Variants in GRM3 observed in about 807,000 individuals in gnomAD.
GRM3 encodes the protein glutamate metabotropic receptor 3, also known as metabotropic glutamate receptor 3.
Under a neutral mutation model 70.5 loss-of-function variants are expected in GRM3, and 26 were observed. The observed-to-expected ratio is 0.37, with a 90% CI of 0.27 to 0.51. The LOEUF (loss-of-function observed/expected upper bound fraction) is 0.51. GRM3 is among the 20% of genes least tolerant of loss of function. The pLI is 0.93. For missense variants in GRM3, 859 were observed against 1,123.8 expected, an observed-to-expected ratio of 0.76 and a Z score of 3.37; for synonymous variants, 443 against 434.9, an observed-to-expected ratio of 1.02 and a Z score of -0.23.
chr7:86,795,523 A>C (rs1045420179), intron 3 of GRM3, among the ~76,000 whole-genome samples: 5 of 152,054 alleles, frequency 3.3e-5, no homozygotes, highest in Admixed American at 1.3e-4. Flanking sequence ...AACTGAGAAC[A>C]TGTGGTGTTT....
At chr7:86,653,397 T>C (rs1793656050) in intron 1 of GRM3, among the ~76,000 whole-genome samples, 1 of 152,224 alleles carries the variant, frequency 6.6e-6, no homozygotes, top group Non-Finnish European at 1.5e-5. Context: ...GTGAATTTCT[T>C]TTACCAAATT....
intron 3 of GRM3, among the ~76,000 whole-genome samples, chr7:86,798,535 AC>A (rs1273812135): frequency 6.6e-6 from 1 of 152,046 alleles, no homozygotes; most frequent in Non-Finnish European, 1.5e-5. Context: ...AAATGCCTGT[AC>A]CCCCATTGTA....
In GRM3 at chr7:86,840,875, C is replaced by T. The variant is rs142400204; in HGVS notation, c.2391+970C>T. Reference sequence around the variant, plus strand: ...TGCTGTTTACCAGCAATTCCTACATCGCCAAAATCTAGAAAATTGCAGCCC... The same window carrying T: ...TGCTGTTTACCAGCAATTCCTACATTGCCAAAATCTAGAAAATTGCAGCCC... On this transcript the variant is annotated intron_variant, in intron 4 of 5. Coordinates refer to ENST00000361669, the MANE Select transcript of GRM3 (RefSeq NM_000840.3). Among the ~76,000 whole-genome samples, 667 of 152,004 alleles carry T rather than the reference C, an allele frequency of 4.4e-3. 8 individuals are homozygous for T. Among genetic ancestry groups the T allele is most frequent in the African/African-American group, 0.015 (634 of 41,516 alleles).
chr7:86,684,536 T>A (rs763207804), intron 1 of GRM3, among the ~76,000 whole-genome samples: 87 of 152,208 alleles, frequency 5.7e-4, no homozygotes, highest in Non-Finnish European at 1.1e-3. Context: ...ACAACCTATA[T>A]AACTAGTAAT....
At chr7:86,682,711 CA>C (rs1794470588) in intron 1 of GRM3, among the ~76,000 whole-genome samples, 1 of 152,042 alleles carries the variant, frequency 6.6e-6, no homozygotes, top group African/African-American at 2.4e-5. Context: ...ACTTTTCAAG[CA>C]TTTTTTTAAT....
At chr7:86,838,244 A>C (rs1231162133) in intron 3 of GRM3, among the ~76,000 whole-genome samples, 1 of 152,174 alleles carries the variant, frequency 6.6e-6, no homozygotes, top group Non-Finnish European at 1.5e-5. Context: ...GTCAATATTA[A>C]ATTTAATATC....
At chr7:86,696,690 T>C (rs1443365978) in intron 1 of GRM3, among the ~76,000 whole-genome samples, 2 of 149,832 alleles carry the variant, frequency 1.3e-5, no homozygotes, top group Non-Finnish European at 3.0e-5. Flanking sequence ...TCTTCTGTAG[T>C]AATAGTGGTG....
intron 3 of GRM3, among the ~76,000 whole-genome samples, chr7:86,818,292 T>G (rs564102960): frequency 6.6e-6 from 1 of 152,086 alleles, no homozygotes; most frequent in Non-Finnish European, 1.5e-5. Context: ...CATGTGATAA[T>G]GACTATAGTA....
intron 1 of GRM3, among the ~76,000 whole-genome samples, chr7:86,686,363 C>G (rs770646102): frequency 3.2e-4 from 48 of 152,060 alleles, no homozygotes; most frequent in Non-Finnish European, 4.0e-4. Flanking sequence ...AGAAGGTAGC[C>G]CCAGATGAGG....
chr7:86,831,416 G>A (rs187763070), intron 3 of GRM3, among the ~76,000 whole-genome samples: 3 of 152,150 alleles, frequency 2.0e-5, no homozygotes, highest in African/African-American at 7.2e-5. Context: ...GAGGGCAAGA[G>A]TTGGGGAAAA....
intron 1 of GRM3, among the ~76,000 whole-genome samples, chr7:86,647,606 G>T (rs1793505746): frequency 6.6e-6 from 1 of 152,156 alleles, no homozygotes; most frequent in Non-Finnish European, 1.5e-5. Context: ...TTTAAACTGA[G>T]TTTATTGTGC....
chr7:86,738,405 G>A (rs1175441179), intron 1 of GRM3, among the ~76,000 whole-genome samples: 4 of 152,306 alleles, frequency 2.6e-5, no homozygotes, highest in Admixed American at 2.0e-4. Context: ...TTTGGAGGAT[G>A]TGAGATACAA....
intron 3 of GRM3, among the ~76,000 whole-genome samples, chr7:86,800,418 G>C (rs191624896): frequency 2.6e-5 from 4 of 152,180 alleles, no homozygotes; most frequent in African/African-American, 7.2e-5. Flanking sequence ...AGAAAAGAGA[G>C]AAGAATCAAA....
At chr7:86,815,106 C>A (rs548873445) in intron 3 of GRM3, among the ~76,000 whole-genome samples, 2 of 151,442 alleles carry the variant, frequency 1.3e-5, no homozygotes, top group African/African-American at 4.8e-5. Flanking sequence ...TCACCCTGAA[C>A]ATGGCAGGTT....
intron 4 of GRM3, among the ~76,000 whole-genome samples, chr7:86,845,357 A>C (rs912129364): frequency 1.3e-5 from 2 of 152,202 alleles, no homozygotes; most frequent in Admixed American, 6.6e-5. Flanking sequence ...CATTGTGTTC[A>C]TCATGGGCTT....
intron 5 of GRM3, among the ~76,000 whole-genome samples, chr7:86,854,119 A>G (rs1394422012): frequency 1.3e-5 from 2 of 152,174 alleles, no homozygotes; most frequent in Non-Finnish European, 2.9e-5. Flanking sequence ...ATTATGCCAC[A>G]CTTTCCAAAT....
In GRM3 at chr7:86,766,845, T is replaced by C. The variant is rs147861234; in HGVS notation, c.468+1232T>C. Among the ~76,000 whole-genome samples the C allele has an allele frequency of 1.6e-3, 238 of 152,298 alleles. 1 individual carries two copies. The highest frequency in any genetic ancestry group is 5.4e-3 in the African/African-American group (226 of 41,572). ...ACACTCATGTTGTCTTTTTATGTCA[T>C]GAACCACTTAAATTGGCTATATTTG... On this transcript the variant is annotated intron_variant, in intron 2 of 5. Coordinates refer to ENST00000361669, the MANE Select transcript of GRM3 (RefSeq NM_000840.3).
At chr7:86,797,034 G>A (rs1290919840) in intron 3 of GRM3, among the ~76,000 whole-genome samples, 1 of 152,220 alleles carries the variant, frequency 6.6e-6, no homozygotes, top group Admixed American at 6.5e-5. Context: ...CAGCCATGTG[G>A]AATTGTGAGT....
intron 1 of GRM3, among the ~76,000 whole-genome samples, chr7:86,758,831 C>G (rs1475357177): frequency 6.6e-6 from 1 of 152,092 alleles, no homozygotes; most frequent in Non-Finnish European, 1.5e-5. Context: ...GTGAAGTCGG[C>G]CTTTCTTCTT....
Sources: allele counts gnomAD v4.1 joint callset (sites outside exome capture counted in the v4.1 genomes callset), GRCh38; gene constraint gnomAD v4.1.1; transcripts MANE v1.5; gene names NCBI Gene and HGNC (gene_info 2026-07-23, HGNC 2026-07-21).